The following TRPM8 variants were observed in gnomAD, a reference collection of about 807,000 sequenced individuals.
The protein encoded by TRPM8 is transient receptor potential cation channel subfamily M member 8.
TRPM8 carries 110 observed loss-of-function variants against 133.7 expected under a neutral mutation model. The ratio of observed to expected loss-of-function variants is 0.82; its 90% confidence interval spans 0.70 to 0.96. The LOEUF is 0.96. Among genes scored for constraint, TRPM8 ranks in the 40% least tolerant of loss-of-function variants. The pLI, the probability that TRPM8 is intolerant of heterozygous loss-of-function variation, is 0.00. For missense variants in TRPM8, 1,291 were observed against 1,379.5 expected, an observed-to-expected ratio of 0.94 and a Z score of 1.02; for synonymous variants, 535 against 532.3, an observed-to-expected ratio of 1.01 and a Z score of -0.07.
At chr2:233,995,168 C>G (rs928217378) in intron 21 of TRPM8, among the ~76,000 whole-genome samples, 5 of 152,214 alleles carry the variant, frequency 3.3e-5, no homozygotes, top group Admixed American at 6.5e-5. Flanking sequence ...AGACAATTCA[C>G]TTACCTTTGT....
Position 234,008,213 on chromosome 2 carries a change from T to C in TRPM8, c.3264+110T>C, listed in dbSNP as rs1692744414. 5 of 1,114,472 alleles carry C rather than the reference T, an allele frequency of 4.5e-6. No individual in the cohort carries two copies. The African/African-American group carries it at 7.9e-5, about 18-fold the overall frequency. The allele number at this position is 1,114,472 out of a possible 1,614,324, so 69.0% of individuals were successfully genotyped here. ...TAATAAAAGAAGTTATATTCAGCTT[T>C]CTTAATTCACTGTCTAAGAGCAGGG... is the stretch of plus-strand genomic sequence containing the variant. On this transcript the variant is annotated intron_variant, in intron 24 of 25. Coordinates refer to ENST00000324695, the MANE Select transcript of TRPM8 (RefSeq NM_024080.5).
chr2:233,994,968 T>C (rs768694283), intron 21 of TRPM8, among the ~76,000 whole-genome samples: 8 of 152,254 alleles, frequency 5.3e-5, no homozygotes, highest in Non-Finnish European at 1.2e-4. Context: ...AATGCTAAGC[T>C]AGCAAGTGGC....
chr2:233,952,692 A>C (rs1463340480), intron 9 of TRPM8, among the ~76,000 whole-genome samples: 1 of 151,860 alleles, frequency 6.6e-6, no homozygotes, highest in Non-Finnish European at 1.5e-5. Context: ...AGTTGTGTTC[A>C]GGACAGCTCA....
intron 2 of TRPM8, among the ~76,000 whole-genome samples, chr2:233,927,841 TTCCTTC>T (rs1246789313): frequency 1.2e-4 from 10 of 85,904 alleles, no homozygotes; most frequent in Admixed American, 2.5e-4. Flanking sequence ...CCTTCCTTCC[TTCCTTC>T]CTTCCTTTCT....
chr2:233,927,773 TCTTTCTTTCTTTCTTTCTTTTCTTTC>T (rs1691561963), intron 2 of TRPM8, among the ~76,000 whole-genome samples: 1 of 65,196 alleles, frequency 1.5e-5, no homozygotes, highest in Non-Finnish European at 2.4e-5. Context: ...TTTCTTTCTT[TCTTTCTTTCTTTCTTTCTTTTCTTTC>T]CTTCCTTCCT....
intron 18 of TRPM8, among the ~76,000 whole-genome samples, chr2:233,981,228 T>C (rs377551257): frequency 6.6e-6 from 1 of 152,128 alleles, no homozygotes; most frequent in East Asian, 1.9e-4. Context: ...AGCCTCCCTT[T>C]CTGGTTGGGT....
intron 17 of TRPM8, among the ~76,000 whole-genome samples, chr2:233,976,170 C>T (rs556308603): frequency 2.0e-4 from 31 of 152,322 alleles, no homozygotes; most frequent in African/African-American, 7.5e-4. Context: ...CTACCAGTTC[C>T]TGATGATTTC....
chr2:233,977,988 C>T (rs1691910361), intron 17 of TRPM8, among the ~76,000 whole-genome samples: 1 of 152,056 alleles, frequency 6.6e-6, no homozygotes, highest in Non-Finnish European at 1.5e-5. Flanking sequence ...CTTCCACGAC[C>T]TTCTTCATGC....
rs754089486 is a variant in TRPM8, at chr2:233,937,360, G to A, written c.199G>A (p.Val67Met). The A allele has an allele frequency of 4.3e-6, 7 of 1,614,094 alleles. No homozygotes were observed. The highest frequency in any genetic ancestry group is 5.9e-6 in the Non-Finnish European group (7 of 1,180,016). The stretch of plus-strand genomic sequence containing the variant: ...CACCATCGTGCTTATCAGGGAGAAT[G>A]TGTGCAAGTGTGGCTATGCCCAGAG... ...FTKDSKATEN[V>M]CKCGYAQSQH... is the part of the protein sequence containing the mutation. Residue 67 changes from valine to methionine, a missense_variant, in exon 4 of 26, where the codon GTG becomes ATG. Around this residue, in one of 2 missense-constraint regions of TRPM8, gnomAD observed 963 missense variants for 968.9 expected, o/e 0.99. Coordinates refer to ENST00000324695, the MANE Select transcript of TRPM8 (RefSeq NM_024080.5).
Position 233,961,002 on chromosome 2 carries a change from A to G in TRPM8, c.1589A>G (p.Asn530Ser), listed in dbSNP as rs1691422986. 6.2e-7 allele frequency: 1 copy of G among 1,614,076 alleles called. No individual in the cohort carries two copies. Among genetic ancestry groups the G allele is most frequent in the African/African-American group, 1.3e-5 (1 of 74,918 alleles). The change falls in exon 12 of 26, where the codon AAC becomes AGC. Residue 530 changes from asparagine to serine, a missense_variant. This residue lies in a region of TRPM8 where 963 missense variants were observed against 968.9 expected (regional missense o/e 0.99). Coordinates refer to ENST00000324695, the MANE Select transcript of TRPM8 (RefSeq NM_024080.5). ...ACGTTTGTCTGGAAACTGGTTGCGAACTTCCGAAGAGGCTTCCGGAAGGAA... is the reference window on the plus strand; with the variant it reads ...ACGTTTGTCTGGAAACTGGTTGCGAGCTTCCGAAGAGGCTTCCGGAAGGAA... Reference protein sequence around the residue: ...LLTFVWKLVANFRRGFRKEDR... With the variant: ...LLTFVWKLVASFRRGFRKEDR...
At position 233,947,387 on chromosome 2, in the gene TRPM8, T is replaced by C. The variant is rs1446764050; in HGVS notation, c.942+232T>C. ...ATAACCTGTGTACTTAGTGTTGGCC[T>C]TGACAGTCAACCTGCCAAAGAGAAG... On this transcript the variant is annotated intron_variant, in intron 8 of 25. Transcript: ENST00000324695. The C allele has an allele frequency of 4.6e-6, 7 of 1,513,876 alleles. No individual in the cohort carries two copies. In the East Asian group the frequency reaches 1.8e-4, roughly 40 times the overall value. 93.8% of individuals were successfully genotyped at this position (1,513,876 alleles called of 1,614,324 possible). A position where few individuals can be genotyped will look rare whatever the true frequency, so the allele number is the denominator to read the frequency against.
At chr2:233,920,855 AT>A (rs10685994) in intron 1 of TRPM8, among the ~76,000 whole-genome samples, 4,006 of 129,184 alleles carry the variant, frequency 0.031, 95 homozygotes, top group East Asian at 0.15. Flanking sequence ...AGATTTCACC[AT>A]TTTTTTTTTT....
chr2:233,999,544 A>ATCGTGGCCCTGTTTGGCCAT (rs1692497459), intron 22 of TRPM8, among the ~76,000 whole-genome samples: 1 of 152,166 alleles, frequency 6.6e-6, no homozygotes, highest in African/African-American at 2.4e-5. Context: ...CTGTTTGGCC[A>ATCGTGGCCCTGTTTGGCCAT]CCTACCACTC....
chr2:233,973,537 C>G (rs1302004652), intron 17 of TRPM8, among the ~76,000 whole-genome samples: 1 of 152,216 alleles, frequency 6.6e-6, no homozygotes, highest in Non-Finnish European at 1.5e-5. Flanking sequence ...TCAGGGGTCA[C>G]CCTACTTCAG....
intron 17 of TRPM8, among the ~76,000 whole-genome samples, chr2:233,971,154 C>A (rs1309551443): frequency 2.6e-5 from 4 of 152,174 alleles, no homozygotes; most frequent in Admixed American, 1.3e-4. Context: ...CCCCTCTGAA[C>A]CTAAATGCAA....
Position 234,012,888 on chromosome 2 carries a change from TG to T in TRPM8, c.3265-1673del, listed in dbSNP as rs535904660. 9.9e-5 allele frequency among the ~76,000 whole-genome samples: 15 copies of T among 152,280 alleles called. No homozygotes were observed. The East Asian group carries it at 2.9e-3, about 29-fold the overall frequency. ...TCTATTGAGATGATCATGTGGTTTT[TG>T]TCTTTCATTCTGTTAATGTAGTGTA... is the stretch of plus-strand genomic sequence containing the variant. On this transcript the variant is annotated intron_variant, in intron 24 of 25. Coordinates refer to ENST00000324695, the MANE Select transcript of TRPM8 (RefSeq NM_024080.5).
intron 11 of TRPM8, 121 bp downstream of exon 11, chr2:233,955,371 A>G (rs2125148879): frequency 2.8e-6 from 2 of 706,302 alleles, no homozygotes; most frequent in Non-Finnish European, 4.9e-6. Flanking sequence ...GTTCTGTTCC[A>G]GAATATCAGG....
intron 22 of TRPM8, among the ~76,000 whole-genome samples, chr2:234,001,831 C>T (rs1239133596): frequency 1.3e-5 from 2 of 152,112 alleles, no homozygotes; most frequent in Non-Finnish European, 2.9e-5. Flanking sequence ...TAGATAATTT[C>T]GCGGAGAGCC....
At chr2:233,964,898 AGG>A in intron 14 of TRPM8, 141 bp downstream of exon 14, 1 of 806,276 alleles carries the variant, frequency 1.2e-6, no homozygotes. Context: ...GCAGACCACA[AGG>A]TCTGGATGCG....
Sources: gnomAD v4.1 joint callset for allele counts (sites outside exome capture counted in the v4.1 genomes callset) on GRCh38, gnomAD v4.1.1 for gene constraint, gnomAD v4.1.1 regional missense constraint, MANE v1.5 for transcripts, NCBI Gene and HGNC (gene_info 2026-07-23, HGNC 2026-07-21) for gene names.